The following CDYL2 variants were observed in gnomAD, a reference collection of about 807,000 sequenced individuals.
CDYL2 encodes the protein chromodomain Y-like protein 2.
CDYL2 carries 23 observed loss-of-function variants against 49.4 expected under a neutral mutation model. That is an observed-to-expected ratio of 0.47 (90% CI 0.34 to 0.66). CDYL2 has a LOEUF of 0.66. CDYL2 is among the 30% of genes least tolerant of loss of function. The pLI is 0.01. For synonymous variants in CDYL2, 360 were observed against 268.8 expected, an observed-to-expected ratio of 1.34 and a Z score of -3.32; for missense variants, 678 against 656.4, an observed-to-expected ratio of 1.03 and a Z score of -0.36.
At chr16:80,653,073 T>C (rs1356550972) in intron 2 of CDYL2, among the ~76,000 whole-genome samples, 2 of 152,196 alleles carry the variant, frequency 1.3e-5, no homozygotes, top group Non-Finnish European at 2.9e-5. Flanking sequence ...AAAAAAATCA[T>C]ACTAATGTAA....
intron 1 of CDYL2, among the ~76,000 whole-genome samples, chr16:80,711,192 G>A (rs1331132406): frequency 3.9e-5 from 6 of 152,208 alleles, no homozygotes; most frequent in East Asian, 1.9e-4. Flanking sequence ...TGTTTCAAGC[G>A]GCGCTGTTAC....
chr16:80,804,240 C>T lies in CDYL2; in HGVS notation c.-67G>A, dbSNP rs1908027795. ...CGCTCGCGCCCTCCGTGCGTGTGCG[C>T]GCGGGGTCCGGTGTGCGCGTGTGTG... is the stretch of plus-strand genomic sequence containing the variant. On this transcript the variant is annotated 5_prime_UTR_variant, in exon 1 of 7. Transcript: ENST00000570137. 3.8e-6 allele frequency: 5 copies of T among 1,307,762 alleles called. No individual in the cohort carries two copies. The Admixed American group carries it at 8.3e-5, about 22-fold the overall frequency. 81.0% of individuals were successfully genotyped at this position (1,307,762 alleles called of 1,614,324 possible).
In CDYL2 at chr16:80,716,564, A is replaced by G. The variant is rs1904807061; in HGVS notation, c.25-31435T>C. 2.0e-5 allele frequency among the ~76,000 whole-genome samples: 3 copies of G among 152,134 alleles called. No individual in the cohort carries two copies. In the South Asian group the frequency reaches 6.2e-4, roughly 31 times the overall value. On this transcript the variant is annotated intron_variant, in intron 1 of 6. Transcript: ENST00000570137. ...GATGACTAAATGGATGATAATGGATAGATGACTGAATGAATGGACAGACAG... is the reference window on the plus strand; with the variant it reads ...GATGACTAAATGGATGATAATGGATGGATGACTGAATGAATGGACAGACAG...
chr16:80,631,963 T>C (rs912179780), intron 3 of CDYL2, among the ~76,000 whole-genome samples: 1 of 152,194 alleles, frequency 6.6e-6, no homozygotes, highest in Non-Finnish European at 1.5e-5. Flanking sequence ...GGGGACCCAC[T>C]GTGGAAAACA....
At chr16:80,710,561 G>C (rs372053141) in intron 1 of CDYL2, among the ~76,000 whole-genome samples, 2 of 152,278 alleles carry the variant, frequency 1.3e-5, no homozygotes, top group South Asian at 2.1e-4. Flanking sequence ...ATGTAACCAA[G>C]TAGTAAATAA....
intron 1 of CDYL2, among the ~76,000 whole-genome samples, chr16:80,690,051 G>A (rs551518487): frequency 6.6e-6 from 1 of 151,984 alleles, no homozygotes; most frequent in South Asian, 2.1e-4. Context: ...AACCCAGGAG[G>A]CGGAGGTTAC....
chr16:80,680,145 G>A (rs1024409717), intron 2 of CDYL2, among the ~76,000 whole-genome samples: 23 of 152,190 alleles, frequency 1.5e-4, no homozygotes, highest in Admixed American at 3.3e-4. Flanking sequence ...AAGCTGAGAC[G>A]ATTTTAAAAG....
At chr16:80,782,876 A>C (rs1237986790) in intron 1 of CDYL2, among the ~76,000 whole-genome samples, 1 of 152,184 alleles carries the variant, frequency 6.6e-6, no homozygotes, top group Non-Finnish European at 1.5e-5. Flanking sequence ...TAATTAAGAA[A>C]ACGCACAGCT....
chr16:80,690,756 A>G (rs891116508), intron 1 of CDYL2, among the ~76,000 whole-genome samples: 6 of 152,086 alleles, frequency 3.9e-5, no homozygotes, highest in Non-Finnish European at 8.8e-5. Flanking sequence ...ATCACTTCGG[A>G]TTAGCCTCCT....
At chr16:80,738,802 C>A (rs1332575671) in intron 1 of CDYL2, 1 of 152,198 alleles carries the variant, frequency 6.6e-6, no homozygotes. Context: ...TTAAAGGTAA[C>A]TTTGGGCAAA....
At chr16:80,667,848 C>T (rs1428897188) in intron 2 of CDYL2, among the ~76,000 whole-genome samples, 1 of 152,172 alleles carries the variant, frequency 6.6e-6, no homozygotes, top group Non-Finnish European at 1.5e-5. Flanking sequence ...GTATGAATAT[C>T]TGCATCTTAT....
At chr16:80,676,651 A>C (rs888047796) in intron 2 of CDYL2, among the ~76,000 whole-genome samples, 16 of 152,208 alleles carry the variant, frequency 1.1e-4, no homozygotes, top group African/African-American at 3.1e-4. Flanking sequence ...GGGAACTATA[A>C]TAAGCCCAGA....
At chr16:80,717,690 A>G in intron 1 of CDYL2, among the ~76,000 whole-genome samples, 1 of 152,260 alleles carries the variant, frequency 6.6e-6, no homozygotes, top group East Asian at 1.9e-4. Context: ...TGAAGTGGAC[A>G]GACAAGGCCC....
At chr16:80,716,879 CTGGATGGATGGA>C in intron 1 of CDYL2, among the ~76,000 whole-genome samples, 1 of 147,230 alleles carries the variant, frequency 6.8e-6, no homozygotes, top group Non-Finnish European at 1.5e-5. Context: ...GGATGGATGA[CTGGATGGATGGA>C]TGGATGGATG....
At chr16:80,772,531 C>T (rs748782409) in intron 1 of CDYL2, among the ~76,000 whole-genome samples, 1 of 152,194 alleles carries the variant, frequency 6.6e-6, no homozygotes, top group Non-Finnish European at 1.5e-5. Flanking sequence ...CGGCTCACTG[C>T]AACCTCTGCT....
At chr16:80,635,869 T>C (rs184370789) in intron 2 of CDYL2, among the ~76,000 whole-genome samples, 2 of 152,132 alleles carry the variant, frequency 1.3e-5, no homozygotes, top group African/African-American at 4.8e-5. Context: ...AACAGACATA[T>C]AGACCAATGG....
chr16:80,784,558 T>A (rs1907372822), intron 1 of CDYL2, among the ~76,000 whole-genome samples: 1 of 152,148 alleles, frequency 6.6e-6, no homozygotes, highest in African/African-American at 2.4e-5. Context: ...GGGAAATGGT[T>A]AATAAACATA....
At chr16:80,607,672 G>C (rs994273058) in intron 6 of CDYL2, among the ~76,000 whole-genome samples, 2 of 152,238 alleles carry the variant, frequency 1.3e-5, no homozygotes, top group African/African-American at 4.8e-5. Context: ...GCAGTCGGTG[G>C]AGAAAACAAA....
intron 1 of CDYL2, among the ~76,000 whole-genome samples, chr16:80,770,368 T>C (rs1394397340): frequency 6.6e-6 from 1 of 152,224 alleles, no homozygotes; most frequent in Non-Finnish European, 1.5e-5. Context: ...ATTCATTTTT[T>C]AAATCATGTT....
Sources: allele counts gnomAD v4.1 joint callset (sites outside exome capture counted in the v4.1 genomes callset), GRCh38; gene constraint gnomAD v4.1.1; transcripts MANE v1.5; gene names NCBI Gene and HGNC (gene_info 2026-07-23, HGNC 2026-07-21).